GRID2: variants seen among roughly 807,000 people sequenced by gnomAD.
GRID2 encodes the protein glutamate receptor ionotropic, delta-2.
Under a neutral mutation model 114.8 loss-of-function variants are expected in GRID2, and 33 were observed. That is an observed-to-expected ratio of 0.29 (90% CI 0.22 to 0.38). GRID2 has a LOEUF of 0.38. Among genes scored for constraint, GRID2 ranks in the 10% least tolerant of loss-of-function variants. GRID2 has a pLI of 1.00. For missense variants in GRID2, 1,184 were observed against 1,257.7 expected (o/e 0.94, Z 0.89); for synonymous variants, 505 against 449.9 (o/e 1.12, Z -1.55).
At chr4:93,353,751 A>G (rs901386904) in intron 8 of GRID2, among the ~76,000 whole-genome samples, 2 of 152,062 alleles carry the variant, frequency 1.3e-5, no homozygotes, top group African/African-American at 4.8e-5. Context: ...AAGATAATAA[A>G]AAGAGGAAAC....
intron 1 of GRID2, among the ~76,000 whole-genome samples, chr4:92,344,977 CACCT>C (rs990671261): frequency 6.6e-6 from 1 of 152,062 alleles, no homozygotes; most frequent in Non-Finnish European, 1.5e-5. Flanking sequence ...GACTTTAGTC[CACCT>C]GTCACCCAAG....
intron 2 of GRID2, among the ~76,000 whole-genome samples, chr4:92,923,639 G>T (rs909863861): frequency 6.6e-6 from 1 of 152,110 alleles, no homozygotes; most frequent in African/African-American, 2.4e-5. Context: ...AAACTGCGAC[G>T]TAACTGGGGA....
intron 1 of GRID2, among the ~76,000 whole-genome samples, chr4:92,453,227 G>C (rs902323565): frequency 6.6e-6 from 1 of 152,148 alleles, no homozygotes; most frequent in African/African-American, 2.4e-5. Flanking sequence ...CCCTGGGAAA[G>C]GAGGGGAGAG....
At chr4:93,551,463 G>C (rs926550868) in intron 13 of GRID2, among the ~76,000 whole-genome samples, 2 of 151,582 alleles carry the variant, frequency 1.3e-5, no homozygotes, top group Admixed American at 1.3e-4. Context: ...AGATGAGCTT[G>C]GCAGAGATAG....
chr4:93,445,338 G>A (rs2149397404), intron 10 of GRID2, among the ~76,000 whole-genome samples: 1 of 152,062 alleles, frequency 6.6e-6, no homozygotes, highest in South Asian at 2.1e-4. Context: ...TGATTTTTAA[G>A]CCAGTGATAT....
At chr4:93,207,528 G>T in intron 5 of GRID2, 71 bp downstream of exon 5, 1 of 954,404 alleles carries the variant, frequency 1.0e-6, no homozygotes, top group East Asian at 2.5e-5. Flanking sequence ...CATTTCCAAT[G>T]GCCTTGAATT....
chr4:92,734,965 A>C (rs1454374508), intron 2 of GRID2, among the ~76,000 whole-genome samples: 1 of 151,278 alleles, frequency 6.6e-6, no homozygotes, highest in Non-Finnish European at 1.5e-5. Flanking sequence ...TTTTTGTAGA[A>C]AAGGAGTTTT....
At chr4:92,924,459 G>A (rs138207176) in intron 2 of GRID2, among the ~76,000 whole-genome samples, 2 of 151,674 alleles carry the variant, frequency 1.3e-5, no homozygotes, top group Non-Finnish European at 2.9e-5. Context: ...TTTTTCCATG[G>A]ATGTGTAAGA....
At chr4:92,512,082 T>A (rs1276686161) in intron 1 of GRID2, among the ~76,000 whole-genome samples, 1 of 151,804 alleles carries the variant, frequency 6.6e-6, no homozygotes, top group Non-Finnish European at 1.5e-5. Flanking sequence ...CTGTAGGTAC[T>A]TTACTCACTG....
At chr4:92,977,571 A>G (rs1450257952) in intron 2 of GRID2, among the ~76,000 whole-genome samples, 2 of 152,208 alleles carry the variant, frequency 1.3e-5, no homozygotes, top group Non-Finnish European at 2.9e-5. Flanking sequence ...ATCTTTAAGC[A>G]TACATTATCT....
Position 93,515,269 on chromosome 4 carries a change from ACT to A in GRID2, c.2054_2055del (p.Ser685CysfsTer4). The A allele has an allele frequency of 6.2e-7, 1 of 1,610,828 alleles. No homozygotes were observed. The stretch of plus-strand genomic sequence containing the variant: ...GAAATCCCTTATGGCACAGTCCTAG[ACT>A]CTGCGGTATATGAGCATGTCCGCAT... On this transcript the variant is annotated frameshift_variant, in exon 13 of 16. Coordinates refer to ENST00000282020, the MANE Select transcript of GRID2 (RefSeq NM_001510.4). LOFTEE classifies it high-confidence loss of function.
chr4:92,756,553 A>G (rs1370120931), intron 2 of GRID2, among the ~76,000 whole-genome samples: 1 of 152,148 alleles, frequency 6.6e-6, no homozygotes, highest in Non-Finnish European at 1.5e-5. Context: ...ACTAACTTGT[A>G]TTCCCACCAA....
At chr4:92,585,169 A>G (rs766134306) in intron 1 of GRID2, among the ~76,000 whole-genome samples, 29 of 151,970 alleles carry the variant, frequency 1.9e-4, no homozygotes, top group Non-Finnish European at 3.7e-4. Flanking sequence ...GGCTGGATGC[A>G]TGAATGTGTG....
chr4:92,697,153 A>G (rs759918828), intron 2 of GRID2, among the ~76,000 whole-genome samples: 2 of 152,158 alleles, frequency 1.3e-5, no homozygotes, highest in African/African-American at 4.8e-5. Flanking sequence ...TTTGTCTTCC[A>G]CTGAACTTTA....
At chr4:93,750,615 G>T (rs1398695740) in intron 14 of GRID2, among the ~76,000 whole-genome samples, 1 of 152,064 alleles carries the variant, frequency 6.6e-6, no homozygotes, top group South Asian at 2.1e-4. Flanking sequence ...AATTAGCAGG[G>T]CATGGTGGCA....
At chr4:93,252,084 G>C (rs1467212230) in intron 8 of GRID2, among the ~76,000 whole-genome samples, 1 of 152,040 alleles carries the variant, frequency 6.6e-6, no homozygotes, top group African/African-American at 2.4e-5. Context: ...GATCCCATTT[G>C]TCAATTTTTG....
chr4:92,402,810 G>C (rs776099271), intron 1 of GRID2, among the ~76,000 whole-genome samples: 16 of 152,162 alleles, frequency 1.1e-4, no homozygotes, highest in African/African-American at 1.4e-4. Context: ...TCTAACAAGA[G>C]AGTCAGCATA....
At chr4:93,744,555 A>C in intron 14 of GRID2, among the ~76,000 whole-genome samples, 1 of 152,202 alleles carries the variant, frequency 6.6e-6, no homozygotes, top group East Asian at 1.9e-4. Context: ...GATGTGACTG[A>C]ATTGCTGAAA....
At chr4:93,475,970 C>A (rs1291255339) in intron 11 of GRID2, among the ~76,000 whole-genome samples, 1 of 151,998 alleles carries the variant, frequency 6.6e-6, no homozygotes, top group Non-Finnish European at 1.5e-5. Flanking sequence ...GTCATCTAGA[C>A]AATATTTACT....
Sources: allele counts gnomAD v4.1 joint callset (sites outside exome capture counted in the v4.1 genomes callset), GRCh38; gene constraint gnomAD v4.1.1; transcripts MANE v1.5; gene names NCBI Gene and HGNC (gene_info 2026-07-23, HGNC 2026-07-21).